SHLD1: variants seen among roughly 807,000 people sequenced by gnomAD.
SHLD1 encodes the protein shieldin complex subunit 1.
Under a neutral mutation model 5.5 loss-of-function variants are expected in SHLD1, and 3 were observed. The observed-to-expected ratio is 0.54, with a 90% CI of 0.25 to 1.40. The LOEUF is 1.40. SHLD1 is among the 40% of genes most tolerant of loss of function. The probability of loss-of-function intolerance (pLI) is 0.15; values close to 1 mark genes in which losing one functional copy is unlikely to be tolerated. For missense variants in SHLD1, 210 were observed against 244.4 expected, an observed-to-expected ratio of 0.86 and a Z score of 0.94; for synonymous variants, 92 against 94.3, an observed-to-expected ratio of 0.98 and a Z score of 0.14.
Position 5,855,459 on chromosome 20 carries a change from C to T in SHLD1, c.179-7565C>T, listed in dbSNP as rs1344855133. ...TGATCTTGGCTCATGGCAACCTCCA[C>T]CTCCCGCGTTCAAGAGATTCTTGTG... On this transcript the variant is annotated intron_variant, in intron 2 of 2. Coordinates refer to ENST00000303142, the MANE Select transcript of SHLD1 (RefSeq NM_152504.4). The surrounding 1 kb of genome is among the most constrained non-coding windows in gnomAD (Gnocchi z 4.4). Among the ~76,000 whole-genome samples the T allele has an allele frequency of 1.3e-5, 2 of 152,148 alleles. No homozygotes were observed. The highest frequency in any genetic ancestry group is 4.8e-5 in the African/African-American group (2 of 41,428).
intron 2 of SHLD1, among the ~76,000 whole-genome samples, chr20:5,860,204 CCTT>C (rs2088143148): frequency 1.3e-5 from 2 of 152,160 alleles, no homozygotes; most frequent in African/African-American, 4.8e-5. Context: ...CATTCCCTCT[CCTT>C]CTCCCTTCAG....
At chr20:5,833,321 A>G (rs142102171) in intron 2 of SHLD1, among the ~76,000 whole-genome samples, 1 of 152,232 alleles carries the variant, frequency 6.6e-6, no homozygotes, top group Admixed American at 6.5e-5. Context: ...TAAACTCACA[A>G]CTCGGGTTTG....
At chr20:5,849,246 A>G (rs1269769150) in intron 2 of SHLD1, among the ~76,000 whole-genome samples, 3 of 152,196 alleles carry the variant, frequency 2.0e-5, no homozygotes, top group Admixed American at 6.5e-5. Context: ...AGCCAGACTA[A>G]ACCAGAAAGA....
intron 2 of SHLD1, among the ~76,000 whole-genome samples, chr20:5,844,795 A>AT (rs1258738443): frequency 0.081 from 8,440 of 104,124 alleles, 455 homozygotes; most frequent in African/African-American, 0.15. Flanking sequence ...ATATATATAT[A>AT]TATATTTTTT....
chr20:5,860,647 G>A (rs1427110768), intron 2 of SHLD1, among the ~76,000 whole-genome samples: 3 of 152,012 alleles, frequency 2.0e-5, no homozygotes, highest in African/African-American at 7.2e-5. Context: ...TTCTGGGACA[G>A]TAGCTCAGTC....
chr20:5,788,761 A>C (rs1036328212), intron 2 of SHLD1, among the ~76,000 whole-genome samples: 1 of 152,202 alleles, frequency 6.6e-6, no homozygotes, highest in African/African-American at 2.4e-5. Flanking sequence ...CTGCACATGA[A>C]TTATATAATT....
intron 2 of SHLD1, among the ~76,000 whole-genome samples, chr20:5,819,100 G>A (rs2087574929): frequency 6.6e-6 from 1 of 152,054 alleles, no homozygotes; most frequent in Admixed American, 6.6e-5. Flanking sequence ...GACCTCAAGT[G>A]ATCTGCCCGC....
At chr20:5,799,085 C>G (rs561500536) in intron 2 of SHLD1, among the ~76,000 whole-genome samples, 1 of 152,204 alleles carries the variant, frequency 6.6e-6, no homozygotes, top group African/African-American at 2.4e-5. Context: ...CACTTGTAGT[C>G]CTAGCTACTC....
intron 2 of SHLD1, among the ~76,000 whole-genome samples, chr20:5,784,149 T>TAA (rs11438574): frequency 0.023 from 3,177 of 140,300 alleles, 65 homozygotes; most frequent in African/African-American, 0.055. Flanking sequence ...GAGACTGTCT[T>TAA]AAAAAAAAAA....
chr20:5,774,065 G>T (rs1373165076), intron 2 of SHLD1, among the ~76,000 whole-genome samples: 1 of 152,072 alleles, frequency 6.6e-6, no homozygotes, highest in Non-Finnish European at 1.5e-5. Context: ...TTAGCCAGGT[G>T]TGGTGGCGGG....
intron 1 of SHLD1, among the ~76,000 whole-genome samples, chr20:5,760,623 G>A (rs1237938598): frequency 6.6e-6 from 1 of 151,964 alleles, no homozygotes; most frequent in Non-Finnish European, 1.5e-5. Flanking sequence ...AGCCCGGGAG[G>A]AGGAGGTTGC....
intron 2 of SHLD1, among the ~76,000 whole-genome samples, chr20:5,823,137 C>T (rs73596836): frequency 5.9e-5 from 9 of 152,058 alleles, no homozygotes; most frequent in Non-Finnish European, 8.8e-5. Context: ...TTGATCCCCC[C>T]CTTCCCGGAT....
chr20:5,833,693 C>CA (rs1310131761), intron 2 of SHLD1, among the ~76,000 whole-genome samples: 4 of 149,580 alleles, frequency 2.7e-5, no homozygotes, highest in African/African-American at 9.9e-5. Flanking sequence ...GAGAGAGAGA[C>CA]AGAGACAGGG....
At chr20:5,764,152 T>A (rs477829) in intron 1 of SHLD1, among the ~76,000 whole-genome samples, 36,024 of 69,164 alleles carry the variant, frequency 0.52, 8,257 homozygotes, top group African/African-American at 0.67. Context: ...ATATATATAT[T>A]TATATTTATA....
intron 2 of SHLD1, among the ~76,000 whole-genome samples, chr20:5,817,430 C>CTGTGTGTGTGTGTGTG (rs1348723186): frequency 2.0e-5 from 2 of 99,576 alleles, no homozygotes; most frequent in South Asian, 6.4e-4. Context: ...CTCTCTCTCT[C>CTGTGTGTGTGTGTGTG]TCTGTGTGTG....
intron 2 of SHLD1, among the ~76,000 whole-genome samples, chr20:5,829,167 T>G (rs1040866743): frequency 6.6e-6 from 1 of 152,202 alleles, no homozygotes; most frequent in Non-Finnish European, 1.5e-5. Flanking sequence ...TGAGCCATCA[T>G]GCCCAGCCAG....
intron 1 of SHLD1, among the ~76,000 whole-genome samples, chr20:5,761,904 G>A (rs1017467814): frequency 4.6e-5 from 7 of 151,688 alleles, no homozygotes; most frequent in African/African-American, 7.3e-5. Context: ...CACTGCACCC[G>A]GCCTCATGTA....
intron 2 of SHLD1, among the ~76,000 whole-genome samples, chr20:5,801,225 G>A (rs891854549): frequency 2.0e-5 from 3 of 152,060 alleles, no homozygotes; most frequent in African/African-American, 7.2e-5. Flanking sequence ...TTACAGGCGT[G>A]TGCCACCAGG....
chr20:5,796,758 G>A (rs1362008612), intron 2 of SHLD1, among the ~76,000 whole-genome samples: 2 of 151,622 alleles, frequency 1.3e-5, no homozygotes, highest in Non-Finnish European at 2.9e-5. Context: ...GAGCCCAAGA[G>A]GCGGAGGTTG....
Sources: gnomAD v4.1 joint callset for allele counts (sites outside exome capture counted in the v4.1 genomes callset) on GRCh38, gnomAD v4.1.1 for gene constraint, Gnocchi (gnomAD v3.1) non-coding constraint, MANE v1.5 for transcripts, NCBI Gene and HGNC (gene_info 2026-07-23, HGNC 2026-07-21) for gene names.